The following MOB3B variants were observed in gnomAD, a reference collection of about 807,000 sequenced individuals.
The protein encoded by MOB3B is MOB kinase activator 3B.
Under a neutral mutation model 18.7 loss-of-function variants are expected in MOB3B, and 7 were observed. The observed-to-expected ratio is 0.37, with a 90% CI of 0.21 to 0.70. The LOEUF (loss-of-function observed/expected upper bound fraction) is 0.70. Ranked by LOEUF, MOB3B falls within the 30% of genes least tolerant of loss-of-function variation. The pLI is 0.52. For synonymous variants in MOB3B, 111 were observed against 99.9 expected, an observed-to-expected ratio of 1.11 and a Z score of -0.66; for missense variants, 253 against 281.3, an observed-to-expected ratio of 0.90 and a Z score of 0.72.
chr9:27,337,337 A>G (rs1220660035), intron 3 of MOB3B, among the ~76,000 whole-genome samples: 1 of 152,188 alleles, frequency 6.6e-6, no homozygotes, highest in Non-Finnish European at 1.5e-5. Flanking sequence ...TTCTTCTGTG[A>G]TGGCTGTGGA....
intron 2 of MOB3B, among the ~76,000 whole-genome samples, chr9:27,382,046 C>T (rs1033988836): frequency 1.3e-4 from 20 of 152,312 alleles, no homozygotes; most frequent in Middle Eastern, 3.4e-3. Context: ...ATAATTCTGA[C>T]ATCCCCTCAG....
At chr9:27,452,564 C>T (rs2080006274) in intron 2 of MOB3B, among the ~76,000 whole-genome samples, 1 of 152,074 alleles carries the variant, frequency 6.6e-6, no homozygotes, top group Admixed American at 6.6e-5. Flanking sequence ...AAAGAAAATA[C>T]ATAATTTAAA....
intron 1 of MOB3B, among the ~76,000 whole-genome samples, chr9:27,500,233 G>C (rs1338272185): frequency 1.3e-5 from 2 of 152,068 alleles, no homozygotes; most frequent in Non-Finnish European, 2.9e-5. Flanking sequence ...GGGGTGGGGA[G>C]AACCCTGTGA....
chr9:27,457,568 C>T (rs918943955), intron 1 of MOB3B, among the ~76,000 whole-genome samples: 56 of 152,338 alleles, frequency 3.7e-4, no homozygotes, highest in African/African-American at 1.2e-3. Flanking sequence ...GCTAACCAGG[C>T]GGTGGAATCC....
At chr9:27,473,964 C>T (rs897305122) in intron 1 of MOB3B, among the ~76,000 whole-genome samples, 1 of 152,092 alleles carries the variant, frequency 6.6e-6, no homozygotes, top group African/African-American at 2.4e-5. Context: ...TAAAAGGGAC[C>T]CCAGAAAGCT....
intron 2 of MOB3B, among the ~76,000 whole-genome samples, chr9:27,374,022 C>T (rs1821457354): frequency 6.6e-6 from 1 of 152,210 alleles, no homozygotes; most frequent in South Asian, 2.1e-4. Context: ...TCAAATAAGG[C>T]AAATGCCCAG....
intron 1 of MOB3B, among the ~76,000 whole-genome samples, chr9:27,464,559 T>A (rs978627173): frequency 2.0e-5 from 3 of 152,230 alleles, no homozygotes; most frequent in Non-Finnish European, 4.4e-5. Context: ...ACACATTACA[T>A]TCCTGGTTAT....
intron 2 of MOB3B, among the ~76,000 whole-genome samples, chr9:27,381,466 C>T (rs7031414): frequency 0.07 from 10,569 of 151,958 alleles, 1,193 homozygotes; most frequent in African/African-American, 0.24. Context: ...CTTCTTGGGA[C>T]CCTGAGAACC....
intron 2 of MOB3B, among the ~76,000 whole-genome samples, chr9:27,436,818 G>T (rs1822508469): frequency 6.6e-6 from 1 of 152,090 alleles, no homozygotes; most frequent in Non-Finnish European, 1.5e-5. Flanking sequence ...AGGGATCTAG[G>T]TCACATTATA....
At chr9:27,487,724 C>T (rs1281317992) in intron 1 of MOB3B, among the ~76,000 whole-genome samples, 3 of 152,176 alleles carry the variant, frequency 2.0e-5, no homozygotes, top group African/African-American at 7.2e-5. Flanking sequence ...GAAGATTTTT[C>T]ACTTTTGCGT....
intron 3 of MOB3B, among the ~76,000 whole-genome samples, chr9:27,349,201 T>G (rs1267134307): frequency 2.0e-5 from 3 of 152,244 alleles, no homozygotes; most frequent in Admixed American, 6.5e-5. Flanking sequence ...CTTAACTGGC[T>G]TTGCTGGTGG....
chr9:27,473,291 T>C (rs2131469174), intron 1 of MOB3B, among the ~76,000 whole-genome samples: 1 of 152,196 alleles, frequency 6.6e-6, no homozygotes, highest in East Asian at 1.9e-4. Context: ...TCTTGTGAAA[T>C]GTGAGTACAA....
intron 3 of MOB3B, among the ~76,000 whole-genome samples, chr9:27,330,978 A>G (rs1820779580): frequency 6.6e-6 from 1 of 152,108 alleles, no homozygotes; most frequent in Non-Finnish European, 1.5e-5. Flanking sequence ...CTCCCACCTG[A>G]CTTCCCAGCA....
intron 1 of MOB3B, among the ~76,000 whole-genome samples, chr9:27,489,253 A>G (rs868856): frequency 0.64 from 96,883 of 152,074 alleles, 31,968 homozygotes; most frequent in Non-Finnish European, 0.71. Context: ...ATTCTCAACT[A>G]CACATAGAAA....
rs1048266100 is a variant in MOB3B, at chr9:27,328,103, T to A, written c.*2484A>T. The A allele has an allele frequency of 1.3e-5, 2 of 151,360 alleles. No individual in the cohort carries two copies. The highest frequency in any genetic ancestry group is 6.6e-5 in the Admixed American group (1 of 15,190). The allele number at this position is 151,360 out of a possible 1,614,324, so 9.4% of individuals were successfully genotyped here. A position where few individuals can be genotyped will look rare whatever the true frequency, so the allele number is the denominator to read the frequency against. The stretch of plus-strand genomic sequence containing the variant: ...AAGAAAAGAAAACAAGGCAAAACAT[T>A]AACAACTGATGCACTAAAGGACATA... On this transcript the variant is annotated 3_prime_UTR_variant, in exon 4 of 4. Coordinates refer to ENST00000262244, the MANE Select transcript of MOB3B (RefSeq NM_024761.5).
chr9:27,458,548 A>G (rs1354350726), intron 1 of MOB3B, among the ~76,000 whole-genome samples: 1 of 138,720 alleles, frequency 7.2e-6, no homozygotes. Flanking sequence ...CAGGAAGATC[A>G]CCTGAACCTG....
intron 2 of MOB3B, among the ~76,000 whole-genome samples, chr9:27,422,480 A>G (rs1822269814): frequency 6.6e-6 from 1 of 152,220 alleles, no homozygotes; most frequent in Non-Finnish European, 1.5e-5. Context: ...TAGACACCCT[A>G]TGGAAGTTAA....
At position 27,496,097 on chromosome 9, in the gene MOB3B, C is replaced by T. The variant is rs142646856; in HGVS notation, c.-199+33458G>A. 7.9e-5 allele frequency among the ~76,000 whole-genome samples: 12 copies of T among 152,242 alleles called. No individual in the cohort carries two copies. In the East Asian group the frequency reaches 1.4e-3, roughly 17 times the overall value. On this transcript the variant is annotated intron_variant, in intron 1 of 3. Coordinates refer to ENST00000262244, the MANE Select transcript of MOB3B (RefSeq NM_024761.5). ...GTTCTGTAAGCAATATCACTAAAAA[C>T]GAGCAAAAAAACTCTCATTACTTGT...
At chr9:27,432,598 G>A (rs755930393) in intron 2 of MOB3B, among the ~76,000 whole-genome samples, 5 of 152,086 alleles carry the variant, frequency 3.3e-5, no homozygotes, top group Non-Finnish European at 5.9e-5. Context: ...CCTCAGAACA[G>A]GTACTGTCAT....
Sources: gnomAD v4.1 joint callset for allele counts (sites outside exome capture counted in the v4.1 genomes callset) on GRCh38, gnomAD v4.1.1 for gene constraint, MANE v1.5 for transcripts, NCBI Gene and HGNC (gene_info 2026-07-23, HGNC 2026-07-21) for gene names.